Variants in RASA2 observed in about 807,000 individuals in gnomAD.
The protein encoded by RASA2 is RAS p21 protein activator 2.
A neutral mutation model predicts 118.2 loss-of-function variants in RASA2; 155 were observed. That is an observed-to-expected ratio of 1.31 (90% CI 1.15 to 1.50). The LOEUF is 1.50. RASA2 is among the 40% of genes most tolerant of loss of function. RASA2 has a pLI of 0.00. For synonymous variants in RASA2, 353 were observed against 349.1 expected (o/e 1.01, Z -0.12); for missense variants, 1,016 against 1,009.6 (o/e 1.01, Z -0.09).
At chr3:141,533,309 A>C (rs1339427817) in intron 4 of RASA2, among the ~76,000 whole-genome samples, 3 of 152,198 alleles carry the variant, frequency 2.0e-5, no homozygotes, top group Non-Finnish European at 4.4e-5. Context: ...TTCCCTAAGG[A>C]AGGGGTTTGA....
intron 23 of RASA2, among the ~76,000 whole-genome samples, chr3:141,610,852 GTTTTGT>G (rs370878662): frequency 6.6e-6 from 1 of 151,826 alleles, no homozygotes; most frequent in African/African-American, 2.4e-5. Flanking sequence ...GTAGCTCTTC[GTTTTGT>G]TTTTGTTTTT....
intron 19 of RASA2, among the ~76,000 whole-genome samples, chr3:141,603,520 G>A (rs189745931): frequency 7.8e-4 from 118 of 152,084 alleles, no homozygotes; most frequent in South Asian, 4.8e-3. Context: ...GCAGTGAGCC[G>A]AGATCATGCC....
Position 141,586,024 on chromosome 3 carries a change from G to A in RASA2, c.1753-1G>A, listed in dbSNP as rs2083195999. The A allele has an allele frequency of 6.2e-7, 1 of 1,606,172 alleles. No individual in the cohort carries two copies. The highest frequency in any genetic ancestry group is 1.3e-5 in the African/African-American group (1 of 74,634). ...TAATATTTGCCCATTTCCCCATTTA[G>A]TTCTTGGATGAAATTTCATCTACTG... On this transcript the variant is annotated splice_acceptor_variant, in intron 17 of 23. Transcript: ENST00000286364. LOFTEE classifies it high-confidence loss of function.
chr3:141,503,985 T>C (rs2081825064), intron 1 of RASA2, among the ~76,000 whole-genome samples: 1 of 152,248 alleles, frequency 6.6e-6, no homozygotes, highest in Non-Finnish European at 1.5e-5. Flanking sequence ...TTTTATGGTT[T>C]GTGATGTGGT....
At chr3:141,571,207 CAT>C in intron 10 of RASA2, 139 bp downstream of exon 10, 1 of 1,122,398 alleles carries the variant, frequency 8.9e-7, no homozygotes, top group Non-Finnish European at 1.2e-6. Flanking sequence ...TACACACACA[CAT>C]TTCTATTTAT....
intron 5 of RASA2, among the ~76,000 whole-genome samples, chr3:141,549,009 G>A (rs867795258): frequency 6.6e-6 from 1 of 152,070 alleles, no homozygotes; most frequent in Non-Finnish European, 1.5e-5. Flanking sequence ...TATCATCACA[G>A]GCCTCACATG....
At chr3:141,569,244 A>T (rs2082873380) in intron 9 of RASA2, among the ~76,000 whole-genome samples, 1 of 152,158 alleles carries the variant, frequency 6.6e-6, no homozygotes, top group South Asian at 2.1e-4. Context: ...AGTATTTGTA[A>T]TGGGCATATT....
At chr3:141,536,292 A>G (rs1193255366) in intron 4 of RASA2, among the ~76,000 whole-genome samples, 1 of 152,158 alleles carries the variant, frequency 6.6e-6, no homozygotes, top group African/African-American at 2.4e-5. Flanking sequence ...TGATAAACCC[A>G]TCAGATCTTG....
At chr3:141,574,432 G>A (rs546575049) in intron 14 of RASA2, among the ~76,000 whole-genome samples, 118 of 152,098 alleles carry the variant, frequency 7.8e-4, no homozygotes, top group Non-Finnish European at 1.2e-3. Flanking sequence ...CTCGTGATCC[G>A]CCCGCCTCGG....
chr3:141,572,857 A>C (rs1313489860), intron 12 of RASA2, 134 bp downstream of exon 12: 1 of 715,672 alleles, frequency 1.4e-6, no homozygotes, highest in Non-Finnish European at 2.3e-6. Context: ...TTAGAAGCAA[A>C]TTATTTACTT....
At chr3:141,515,152 A>C (rs1260095638) in intron 2 of RASA2, among the ~76,000 whole-genome samples, 1 of 152,226 alleles carries the variant, frequency 6.6e-6, no homozygotes, top group Non-Finnish European at 1.5e-5. Flanking sequence ...CTTATAGCTC[A>C]ATAAAACTGA....
intron 23 of RASA2, among the ~76,000 whole-genome samples, chr3:141,611,989 C>G (rs551509516): frequency 1.3e-5 from 2 of 152,272 alleles, no homozygotes; most frequent in Admixed American, 1.3e-4. Context: ...TAAAAAATAT[C>G]AACCTCTACC....
At chr3:141,536,804 A>G (rs1286924584) in intron 4 of RASA2, among the ~76,000 whole-genome samples, 1 of 149,488 alleles carries the variant, frequency 6.7e-6, no homozygotes, top group Non-Finnish European at 1.5e-5. Flanking sequence ...CTGGAGTGCA[A>G]TGGTGTGATC....
At position 141,607,800 on chromosome 3, in the gene RASA2, C is replaced by T. The variant is rs777097213; in HGVS notation, c.2016+40C>T. The T allele has an allele frequency of 2.6e-6, 4 of 1,510,606 alleles. No individual in the cohort carries two copies. In the South Asian group the frequency reaches 5.3e-5, roughly 20 times the overall value. The allele number at this position is 1,510,606 out of a possible 1,614,324, so 93.6% of individuals were successfully genotyped here. A position where few individuals can be genotyped will look rare whatever the true frequency, so the allele number is the denominator to read the frequency against. On this transcript the variant is annotated intron_variant, in intron 20 of 23. Transcript: ENST00000286364. ...TAAATATTTAAAGCTTTCTGAACTGCATATATTACTTAAGTATTTGTATTT... is the reference window on the plus strand; with the variant it reads ...TAAATATTTAAAGCTTTCTGAACTGTATATATTACTTAAGTATTTGTATTT...
chr3:141,513,044 C>T (rs1421467735), intron 2 of RASA2, among the ~76,000 whole-genome samples: 1 of 133,652 alleles, frequency 7.5e-6, no homozygotes, highest in African/African-American at 2.8e-5. Context: ...GCCTGGGCAA[C>T]AAGAGTGAAA....
Position 141,560,454 on chromosome 3 carries a change from A to G in RASA2, c.863+459A>G, listed in dbSNP as rs181874212. On this transcript the variant is annotated intron_variant, in intron 9 of 23. Coordinates refer to ENST00000286364, the MANE Select transcript of RASA2 (RefSeq NM_006506.5). The stretch of plus-strand genomic sequence containing the variant: ...TCTTCCTTCACCACACCCCATTGAA[A>G]TGTACTGTAGATGGCCCTAATGTTA... Among the ~76,000 whole-genome samples the G allele has an allele frequency of 3.1e-4, 47 of 152,264 alleles. No individual in the cohort carries two copies. The Middle Eastern group carries it at 0.017, about 55-fold the overall frequency.
At chr3:141,531,410 G>A (rs763328521) in intron 4 of RASA2, among the ~76,000 whole-genome samples, 1 of 151,190 alleles carries the variant, frequency 6.6e-6, no homozygotes, top group African/African-American at 2.4e-5. Context: ...GTGTGTGTGT[G>A]TATATATATG....
intron 19 of RASA2, among the ~76,000 whole-genome samples, chr3:141,601,611 A>G (rs1265683552): frequency 6.6e-6 from 1 of 152,218 alleles, no homozygotes; most frequent in African/African-American, 2.4e-5. Context: ...TATTTTCTCC[A>G]TTATTCATTG....
Position 141,580,348 on chromosome 3 carries a change from G to A in RASA2, c.1591-20G>A, listed in dbSNP as rs1462837025. On this transcript the variant is annotated intron_variant, in intron 15 of 23. Transcript: ENST00000286364. ...TTTTCTTGAAAACTTAGTAGTTTTG[G>A]TCTTTTTTACATTCTTTAGGATGCA... The A allele has an allele frequency of 6.5e-7, 1 of 1,536,334 alleles. No individual in the cohort carries two copies. Among genetic ancestry groups the A allele is most frequent in the African/African-American group, 1.4e-5 (1 of 72,036 alleles).
Sources: gnomAD v4.1 joint callset for allele counts (sites outside exome capture counted in the v4.1 genomes callset) on GRCh38, gnomAD v4.1.1 for gene constraint, MANE v1.5 for transcripts, NCBI Gene and HGNC (gene_info 2026-07-23, HGNC 2026-07-21) for gene names.